Variants in SP140L observed in about 807,000 individuals in gnomAD.
SP140L encodes nuclear body protein SP140-like protein.
A neutral mutation model predicts 84.3 loss-of-function variants in SP140L; 64 were observed. That is an observed-to-expected ratio of 0.76 (90% CI 0.62 to 0.94). The LOEUF (loss-of-function observed/expected upper bound fraction) is 0.94. Ranked by LOEUF, SP140L falls within the 40% of genes least tolerant of loss-of-function variation. SP140L has a pLI of 0.00. For synonymous variants in SP140L, 242 were observed against 236.9 expected, an observed-to-expected ratio of 1.02 and a Z score of -0.20; for missense variants, 628 against 692.5, an observed-to-expected ratio of 0.91 and a Z score of 1.05.
At chr2:230,338,979 T>C (rs1387989287) in intron 2 of SP140L, among the ~76,000 whole-genome samples, 2 of 138,442 alleles carry the variant, frequency 1.4e-5, no homozygotes, top group Non-Finnish European at 3.1e-5. Context: ...TGTCTCTGCC[T>C]GGCTTTGGTA....
Position 230,383,510 on chromosome 2 carries a change from G to GA in SP140L, c.644dup (p.Lys216GlufsTer20), listed in dbSNP as rs762385048. ...TAACTTTATTCTCTTTGGTTTGAAG[G>GA]AAAAAAGAAGGGGCATGGCTGGAGC... On this transcript the variant is annotated frameshift_variant and splice_region_variant, in exon 8 of 19. Coordinates refer to ENST00000415673, the MANE Select transcript of SP140L (RefSeq NM_138402.6). LOFTEE classifies it high-confidence loss of function. The GA allele has an allele frequency of 1.6e-5, 25 of 1,601,548 alleles. No individual in the cohort carries two copies. Among genetic ancestry groups the GA allele is most frequent in the Non-Finnish European group, 2.0e-5 (24 of 1,173,962 alleles).
intron 5 of SP140L, among the ~76,000 whole-genome samples, chr2:230,366,715 A>ATTC (rs1160197383): frequency 8.7e-5 from 10 of 115,262 alleles, no homozygotes; most frequent in Non-Finnish European, 1.8e-4. Flanking sequence ...ATTATCTATT[A>ATTC]TTATTATTAT....
intron 2 of SP140L, 127 bp from the exon 3 acceptor site, chr2:230,357,678 A>G (rs986996119): frequency 2.2e-6 from 2 of 890,620 alleles, no homozygotes; most frequent in Non-Finnish European, 3.5e-6. Flanking sequence ...TCTGGGCTCT[A>G]CTGAGGACCA....
intron 5 of SP140L, among the ~76,000 whole-genome samples, chr2:230,369,243 G>T (rs2060979264): frequency 1.3e-5 from 2 of 152,200 alleles, no homozygotes; most frequent in East Asian, 3.8e-4. Context: ...AGTCTGCAGG[G>T]ATCTACACCA....
intron 5 of SP140L, among the ~76,000 whole-genome samples, chr2:230,369,732 T>G (rs1575492568): frequency 6.6e-6 from 1 of 152,102 alleles, no homozygotes; most frequent in African/African-American, 2.4e-5. Flanking sequence ...TTAGGACAAG[T>G]TGAAACAGTT....
At chr2:230,396,842 C>T in intron 14 of SP140L, 44 bp downstream of exon 14, 6 of 1,607,312 alleles carry the variant, frequency 3.7e-6, no homozygotes, top group Middle Eastern at 1.7e-4. Context: ...TATTCCACTT[C>T]TTTCTCCAGG....
intron 16 of SP140L, 127 bp from the exon 17 acceptor site, chr2:230,401,239 C>T: frequency 1.4e-6 from 2 of 1,450,220 alleles, no homozygotes; most frequent in Non-Finnish European, 1.9e-6. Context: ...CATGACATGT[C>T]TGTTTCCAAG....
chr2:230,327,210 G>C lies in SP140L; in HGVS notation c.-60G>C. On this transcript the variant is annotated 5_prime_UTR_variant, in exon 1 of 19. Coordinates refer to ENST00000415673, the MANE Select transcript of SP140L (RefSeq NM_138402.6). ...GGGCAGCCACACTGCACGCAGGCTG[G>C]GCCGACTGGGGAGCTCATAGGCCAG... is the stretch of plus-strand genomic sequence containing the variant. 6.4e-7 allele frequency: 1 copy of C among 1,568,576 alleles called. No homozygotes were observed. The highest frequency in any genetic ancestry group is 8.7e-7 in the Non-Finnish European group (1 of 1,154,850).
chr2:230,373,757 G>A (rs2555822), intron 7 of SP140L, among the ~76,000 whole-genome samples: 1 of 152,216 alleles, frequency 6.6e-6, no homozygotes, highest in African/African-American at 2.4e-5. Flanking sequence ...TAATATTTAA[G>A]AAATACATGT....
chr2:230,367,286 C>CTTTTTTTTTTT (rs200191202), intron 5 of SP140L, among the ~76,000 whole-genome samples: 2 of 103,772 alleles, frequency 1.9e-5, no homozygotes, highest in African/African-American at 3.9e-5. Flanking sequence ...TCCTTTCTTT[C>CTTTTTTTTTTT]TTTTTTTTCT....
intron 2 of SP140L, among the ~76,000 whole-genome samples, chr2:230,356,258 C>T (rs2060543188): frequency 1.3e-5 from 2 of 152,136 alleles, no homozygotes; most frequent in South Asian, 4.1e-4. Flanking sequence ...ACATATTTAC[C>T]CAAGAGAAAT....
intron 2 of SP140L, among the ~76,000 whole-genome samples, chr2:230,350,874 A>G (rs1342205612): frequency 1.3e-5 from 2 of 152,218 alleles, no homozygotes; most frequent in African/African-American, 2.4e-5. Flanking sequence ...ACATATATCT[A>G]TGCTAGGCAG....
intron 2 of SP140L, among the ~76,000 whole-genome samples, chr2:230,331,745 T>A (rs2059730521): frequency 6.6e-6 from 1 of 152,230 alleles, no homozygotes; most frequent in African/African-American, 2.4e-5. Context: ...GTTTTCCTTT[T>A]ACATTTTCTA....
At chr2:230,397,960 C>A (rs1005236263) in intron 14 of SP140L, among the ~76,000 whole-genome samples, 1 of 152,026 alleles carries the variant, frequency 6.6e-6, no homozygotes, top group Middle Eastern at 3.2e-3. Context: ...GTATGGTCAC[C>A]CCTATTAATA....
chr2:230,348,571 ATCT>A (rs1209792461), intron 2 of SP140L, among the ~76,000 whole-genome samples: 2 of 152,206 alleles, frequency 1.3e-5, no homozygotes, highest in African/African-American at 2.4e-5. Flanking sequence ...AAATTGGGTT[ATCT>A]TCTTATAGAG....
intron 2 of SP140L, among the ~76,000 whole-genome samples, chr2:230,356,189 T>G (rs2060540560): frequency 6.6e-6 from 1 of 152,202 alleles, no homozygotes; most frequent in Non-Finnish European, 1.5e-5. Context: ...AAAAACAGTT[T>G]GGCAGGTTTT....
At chr2:230,401,204 T>C (rs1347807596) in intron 16 of SP140L, 141 bp downstream of exon 16, 5 of 665,466 alleles carry the variant, frequency 7.5e-6, no homozygotes, top group Non-Finnish European at 1.0e-5. Context: ...ACACCACACC[T>C]TGTTTGCACA....
At chr2:230,362,793 C>G (rs937705924) in intron 5 of SP140L, among the ~76,000 whole-genome samples, 2 of 151,974 alleles carry the variant, frequency 1.3e-5, no homozygotes, top group Non-Finnish European at 2.9e-5. Context: ...TAAGCCAGAG[C>G]CTTGTTCTTA....
intron 7 of SP140L, chr2:230,372,604 A>T (rs893002225): frequency 6.6e-6 from 1 of 151,832 alleles, no homozygotes; most frequent in Non-Finnish European, 1.5e-5. Flanking sequence ...GGGCACCTGT[A>T]GTCCCAGCTG....
Sources: allele counts gnomAD v4.1 joint callset (sites outside exome capture counted in the v4.1 genomes callset), GRCh38; gene constraint gnomAD v4.1.1; transcripts MANE v1.5; gene names NCBI Gene and HGNC (gene_info 2026-07-23, HGNC 2026-07-21).